The following TPM1 variants were observed in gnomAD, a reference collection of about 807,000 sequenced individuals.
TPM1 encodes tropomyosin alpha-1 chain.
Under a neutral mutation model 42.9 loss-of-function variants are expected in TPM1, and 24 were observed. The ratio of observed to expected loss-of-function variants is 0.56; its 90% CI spans 0.41 to 0.79. The LOEUF is 0.79. Ranked by LOEUF, TPM1 falls within the 30% of genes least tolerant of loss-of-function variation. TPM1 has a pLI of 0.00. For missense variants in TPM1, 158 were observed against 351.8 expected, an observed-to-expected ratio of 0.45 and a Z score of 4.41; for synonymous variants, 136 against 130.1, an observed-to-expected ratio of 1.05 and a Z score of -0.31.
chr15:63,061,318 C>T, intron 5 of TPM1: 1 of 1,585,036 alleles, frequency 6.3e-7, no homozygotes, highest in Non-Finnish European at 8.7e-7. Context: ...GCAACCCAGA[C>T]ATCTTTCAGC....
At position 63,065,236 on chromosome 15, in the gene TPM1, C is replaced by T; in HGVS notation, c.852-660C>T. 3.0e-6 allele frequency: 3 copies of T among 987,108 alleles called. No individual in the cohort carries two copies. In the South Asian group the frequency reaches 1.4e-4, roughly 46 times the overall value. The allele number at this position is 987,108 out of a possible 1,614,324, so 61.1% of individuals were successfully genotyped here. ...ATACAACTAATTTACATATTACTAA[C>T]CAAACTTAAACATTAAACTTTTTCT... On this transcript the variant is annotated intron_variant, in intron 9 of 9. Transcript: ENST00000403994.
intron 2 of TPM1, among the ~76,000 whole-genome samples, chr15:63,050,876 C>G (rs1392120104): frequency 6.6e-6 from 1 of 152,210 alleles, no homozygotes; most frequent in African/African-American, 2.4e-5. Flanking sequence ...GGTTTAGTGA[C>G]AAAACCATGA....
At chr15:63,061,903 G>A (rs1392409689) in intron 6 of TPM1, 115 bp downstream of exon 6, 2 of 945,060 alleles carry the variant, frequency 2.1e-6, no homozygotes, top group African/African-American at 1.6e-5. Flanking sequence ...ATATTGTGAG[G>A]TGATTTTTGG....
At chr15:63,061,296 T>C in intron 5 of TPM1, 1 of 1,613,586 alleles carries the variant, frequency 6.2e-7, no homozygotes, top group Non-Finnish European at 8.5e-7. Context: ...CGTGTGGTTT[T>C]TAGGTTTAAC....
At chr15:63,070,006 G>A (rs1430250641), downstream of TPM1, 10 of 1,611,246 alleles carry the variant, frequency 6.2e-6, no homozygotes, top group Middle Eastern at 1.7e-4. Flanking sequence ...GAAAATCTAA[G>A]ACTGTCCTAC....
Position 63,065,920 on chromosome 15 carries a change from C to G in TPM1, c.*21C>G. 1 of 1,611,118 alleles carries G rather than the reference C, an allele frequency of 6.2e-7. No homozygotes were observed. Among genetic ancestry groups the G allele is most frequent in the Non-Finnish European group, 8.5e-7 (1 of 1,178,950 alleles). On this transcript the variant is annotated 3_prime_UTR_variant, in exon 10 of 10. Coordinates refer to ENST00000403994, the MANE Select transcript of TPM1 (RefSeq NM_001018005.2). ...GATAAGTTTCTTTGCTTCACTTCTC[C>G]CAAGACTCCCTCGTCGAGCTGGATG...
intron 9 of TPM1, 102 bp downstream of exon 9, chr15:63,064,244 CTT>C (rs2036021469): frequency 6.5e-6 from 10 of 1,550,148 alleles, no homozygotes; most frequent in Non-Finnish European, 8.7e-6. Context: ...TCTTTGCACT[CTT>C]GTGTTCACCC....
At chr15:63,042,993 G>T in intron 1 of TPM1, 50 bp downstream of exon 1, 1 of 1,502,166 alleles carries the variant, frequency 6.7e-7, no homozygotes, top group Non-Finnish European at 9.1e-7. Flanking sequence ...CGGGACTCGA[G>T]CCTGGCACCC....
chr15:63,058,645 G>T (rs2035148291), intron 3 of TPM1, among the ~76,000 whole-genome samples: 1 of 152,164 alleles, frequency 6.6e-6, no homozygotes, highest in African/African-American at 2.4e-5. Context: ...GTAGGTGGAG[G>T]TTGCAGTGAG....
chr15:63,056,362 G>A (rs1006935787), intron 2 of TPM1: 4 of 153,282 alleles, frequency 2.6e-5, no homozygotes, highest in African/African-American at 9.6e-5. Context: ...AGTAAAGCCA[G>A]GGTGTTGAAC....
At chr15:63,048,488 C>T in intron 2 of TPM1, 9 of 1,437,586 alleles carry the variant, frequency 6.3e-6, no homozygotes, top group Admixed American at 2.7e-5. Flanking sequence ...CGGCGCTGGG[C>T]AGCCAGGACA....
intron 5 of TPM1, chr15:63,061,372 A>T (rs1054431381): frequency 9.4e-7 from 1 of 1,060,934 alleles, no homozygotes; most frequent in Non-Finnish European, 1.5e-6. Flanking sequence ...CTGCACCTTC[A>T]CTTCACCCTC....
intron 3 of TPM1, among the ~76,000 whole-genome samples, chr15:63,058,651 G>A (rs2035150009): frequency 6.6e-6 from 1 of 152,186 alleles, no homozygotes; most frequent in African/African-American, 2.4e-5. Context: ...GGAGGTTGCA[G>A]TGAGCCAAGA....
intron 2 of TPM1, 170 bp from the exon 3 acceptor site, chr15:63,056,815 T>A: frequency 1.2e-6 from 1 of 820,218 alleles, no homozygotes; most frequent in South Asian, 1.4e-5. Flanking sequence ...AATCAATGTG[T>A]AAATGTGTCC....
chr15:63,062,891 T>A, intron 8 of TPM1: 1 of 1,488,530 alleles, frequency 6.7e-7, no homozygotes, highest in East Asian at 2.5e-5. Flanking sequence ...TCATGCTCAT[T>A]ACAAGTGTGG....
chr15:63,052,263 C>T (rs2034028673), intron 2 of TPM1, among the ~76,000 whole-genome samples: 2 of 152,212 alleles, frequency 1.3e-5, no homozygotes, highest in South Asian at 2.1e-4. Context: ...TGGCTCATGC[C>T]TGTAATCCCA....
chr15:63,049,485 A>G (rs2033372633), intron 2 of TPM1: 1 of 152,224 alleles, frequency 6.6e-6, no homozygotes, highest in African/African-American at 2.4e-5. Context: ...TCTAAGGCAA[A>G]TGTATCCAGC....
At chr15:63,048,791 C>CGGT in intron 2 of TPM1, 2 of 1,494,228 alleles carry the variant, frequency 1.3e-6, no homozygotes, top group South Asian at 1.2e-5. Flanking sequence ...CTTCCCCCCC[C>CGGT]GCAGGCCCCG....
chr15:63,046,385 G>A (rs563617833), intron 2 of TPM1: 2 of 152,332 alleles, frequency 1.3e-5, no homozygotes, highest in South Asian at 4.1e-4. Flanking sequence ...GTCCGGTAAG[G>A]GAGAAGTCAG....
Sources: gnomAD v4.1 joint callset for allele counts (sites outside exome capture counted in the v4.1 genomes callset) on GRCh38, gnomAD v4.1.1 for gene constraint, MANE v1.5 for transcripts, NCBI Gene and HGNC (gene_info 2026-07-23, HGNC 2026-07-21) for gene names.